RUBCNL: variants seen among roughly 807,000 people sequenced by gnomAD.
RUBCNL encodes rubicon like autophagy enhancer, also known as protein associated with UVRAG as autophagy enhancer.
Under a neutral mutation model 69.5 loss-of-function variants are expected in RUBCNL, and 62 were observed. That is an observed-to-expected ratio of 0.89 (90% CI 0.73 to 1.10). The LOEUF (loss-of-function observed/expected upper bound fraction) is 1.10, where lower values mean the gene tolerates loss of function less well. Ranked by LOEUF, RUBCNL falls within the 50% of genes least tolerant of loss-of-function variation. RUBCNL has a pLI of 0.00. For synonymous variants in RUBCNL, 291 were observed against 303.6 expected (o/e 0.96, Z 0.43); for missense variants, 768 against 798.1 (o/e 0.96, Z 0.45).
chr13:46,361,677 A>T, intron 7 of RUBCNL, 104 bp from the exon 8 acceptor site: 1 of 1,187,954 alleles, frequency 8.4e-7, no homozygotes, highest in Non-Finnish European at 1.2e-6. Context: ...CAAAACTCAG[A>T]AGAGGCTGTC....
intron 1 of RUBCNL, among the ~76,000 whole-genome samples, chr13:46,386,616 G>C (rs1036062621): frequency 6.6e-6 from 1 of 152,088 alleles, no homozygotes; most frequent in South Asian, 2.1e-4. Flanking sequence ...GAAGAGTGGG[G>C]GTTGCTATGT....
chr13:46,378,291 G>C lies in RUBCNL; in HGVS notation c.-238-286C>G, dbSNP rs9567665. On this transcript the variant is annotated intron_variant, in intron 1 of 14. Transcript: ENST00000429979. ...CAATCATTTCAAGGATTGATAAGCA[G>C]AGATAATACAGGTCTAAGCAATACT... is the stretch of plus-strand genomic sequence containing the variant. 2.2e-3 allele frequency among the ~76,000 whole-genome samples: 337 copies of C among 152,296 alleles called. 4 individuals are homozygous for C. Among genetic ancestry groups the C allele is most frequent in the South Asian group, 0.012 (57 of 4,826 alleles).
chr13:46,377,940 T>C lies in RUBCNL; in HGVS notation c.-173A>G. 3 of 1,609,964 alleles carry C rather than the reference T, an allele frequency of 1.9e-6. No homozygotes were observed. The highest frequency in any genetic ancestry group is 2.5e-6 in the Non-Finnish European group (3 of 1,178,598). On this transcript the variant is annotated 5_prime_UTR_variant, in exon 2 of 15. Coordinates refer to ENST00000429979, the MANE Select transcript of RUBCNL (RefSeq NM_025113.5). ...CAGATTGACACAGAGGAGAAAGTAA[T>C]GATTGGAAACCATCAAAGTCCATGC...
chr13:46,368,872 T>TA, intron 3 of RUBCNL, 57 bp from the exon 4 acceptor site: 1 of 1,261,062 alleles, frequency 7.9e-7, no homozygotes. Context: ...GATTACCTAA[T>TA]AAAATAAAAC....
intron 10 of RUBCNL, among the ~76,000 whole-genome samples, chr13:46,355,907 G>A (rs571915889): frequency 1.3e-5 from 2 of 151,904 alleles, no homozygotes; most frequent in Non-Finnish European, 2.9e-5. Flanking sequence ...AAAATAAGAA[G>A]GAACTTCTAA....
At chr13:46,370,364 T>C (rs192605388) in intron 3 of RUBCNL, among the ~76,000 whole-genome samples, 21 of 152,318 alleles carry the variant, frequency 1.4e-4, no homozygotes, top group Admixed American at 3.3e-4. Context: ...TAAAGTATTT[T>C]CTGAAAAAAG....
At chr13:46,378,523 C>T (rs1393478943) in intron 1 of RUBCNL, 2 of 152,528 alleles carry the variant, frequency 1.3e-5, no homozygotes, top group Non-Finnish European at 2.9e-5. Flanking sequence ...ATATAAGCTG[C>T]AGCAAAGGCC....
chr13:46,372,013 C>A lies in RUBCNL; in HGVS notation c.463G>T (p.Ala155Ser). Residue 155 changes from alanine (A) to serine (S), a missense_variant, in exon 3 of 15, where the codon GCC becomes TCC. Transcript: ENST00000429979. ...TCAGTCTCAGGATATGGGGAGGTGGCCAAAATCCCAGGGCTTGTGGGCAGA... is the reference window on the plus strand; with the variant it reads ...TCAGTCTCAGGATATGGGGAGGTGGACAAAATCCCAGGGCTTGTGGGCAGA... ...VSLPTSPGIL[A>S]TSPYPETDSA... 6.2e-7 allele frequency: 1 copy of A among 1,613,976 alleles called. No homozygotes were observed. Among genetic ancestry groups the A allele is most frequent in the Non-Finnish European group, 8.5e-7 (1 of 1,179,874 alleles).
At chr13:46,363,903 T>C (rs2048688702) in intron 5 of RUBCNL, among the ~76,000 whole-genome samples, 1 of 150,606 alleles carries the variant, frequency 6.6e-6, no homozygotes. Context: ...TGATTATTAA[T>C]ACTAGTAGTA....
rs116515737 is a variant in RUBCNL, at chr13:46,336,289, G to A, written c.*7096C>T. Among the ~76,000 whole-genome samples the A allele has an allele frequency of 0.032, 4,803 of 152,212 alleles. 266 individuals carry two copies. Among genetic ancestry groups the A allele is most frequent in the African/African-American group, 0.11 (4,486 of 41,506 alleles). ...AGACTCTACGAAGATGGAGTTTCAG[G>A]TGGTCCCCAACAGCTAATCTGATTT... On this transcript the variant is annotated 3_prime_UTR_variant, in exon 15 of 15. Transcript: ENST00000429979.
At chr13:46,371,774 C>T (rs1287500428) in intron 3 of RUBCNL, among the ~76,000 whole-genome samples, 167 bp downstream of exon 3, 1 of 152,228 alleles carries the variant, frequency 6.6e-6, no homozygotes, top group Non-Finnish European at 1.5e-5. Context: ...AAGGAGAAAG[C>T]CAATATTTGA....
chr13:46,344,607 T>C (rs886384845), intron 14 of RUBCNL, 134 bp downstream of exon 14: 5 of 656,368 alleles, frequency 7.6e-6, no homozygotes, highest in Middle Eastern at 4.2e-4. Flanking sequence ...CACACCAGCA[T>C]GACTGTACTT....
At chr13:46,387,500 CCG>C (rs2049279780), upstream of RUBCNL, 1 of 985,544 alleles carries the variant, frequency 1.0e-6, no homozygotes, top group African/African-American at 1.7e-5. Flanking sequence ...CCTAGAAATC[CCG>C]CCCTGCCTAC....
chr13:46,389,142 A>T (rs2049307385), upstream of RUBCNL, among the ~76,000 whole-genome samples: 1 of 152,204 alleles, frequency 6.6e-6, no homozygotes, highest in Non-Finnish European at 1.5e-5. The surrounding 1 kb of genome is among the most constrained non-coding windows in gnomAD (Gnocchi z 4.2). Context: ...TTTTCTTATT[A>T]TTTTAAGCAA....
chr13:46,345,830 C>G (rs191405931), intron 12 of RUBCNL, among the ~76,000 whole-genome samples: 13 of 152,290 alleles, frequency 8.5e-5, no homozygotes, highest in Middle Eastern at 3.4e-3. Flanking sequence ...TTTCAAAAAG[C>G]TGAATAAGCA....
Position 46,375,075 on chromosome 13 carries a change from C to T in RUBCNL, c.-122-2478G>A, listed in dbSNP as rs192767921. 2.4e-4 allele frequency among the ~76,000 whole-genome samples: 36 copies of T among 152,258 alleles called. No individual in the cohort carries two copies. In the East Asian group the frequency reaches 6.6e-3, roughly 28 times the overall value. ...TTCCTGCTATTTTTTAGTTCATTAC[C>T]GCCATTCTCCCCCTACTCCCACCTA... On this transcript the variant is annotated intron_variant, in intron 2 of 14. Coordinates refer to ENST00000429979, the MANE Select transcript of RUBCNL (RefSeq NM_025113.5).
chr13:46,370,340 C>T (rs1214605181), intron 3 of RUBCNL, among the ~76,000 whole-genome samples: 3 of 152,238 alleles, frequency 2.0e-5, no homozygotes, highest in South Asian at 2.1e-4. Flanking sequence ...TTACAGAGGC[C>T]GATAGTCTTT....
upstream of RUBCNL, chr13:46,387,440 G>A (rs1176340527): frequency 4.1e-6 from 4 of 985,408 alleles, no homozygotes; most frequent in Non-Finnish European, 4.8e-6. Flanking sequence ...CACCGGTGCC[G>A]CGGCGCCCGG....
At position 46,335,262 on chromosome 13, in the gene RUBCNL, T is replaced by TGTTG. The variant is rs565652667; in HGVS notation, c.*8122_*8123insCAAC. Among the ~76,000 whole-genome samples the TGTTG allele has an allele frequency of 5.5e-5, 5 of 91,638 alleles. No homozygotes were observed. Among genetic ancestry groups the TGTTG allele is most frequent in the Non-Finnish European group, 9.1e-5 (4 of 44,100 alleles). 60.1% of individuals were successfully genotyped at this position (91,638 alleles called of 152,430 possible). Reference sequence around the variant, plus strand: ...GTCTTTTTGTTGTTGTTGTTGTTGTTTTTTTTTTTTTTTTTTTTTTTTTAA... The same window carrying TGTTG: ...GTCTTTTTGTTGTTGTTGTTGTTGTTGTTGTTTTTTTTTTTTTTTTTTTTTTTAA... On this transcript the variant is annotated 3_prime_UTR_variant, in exon 15 of 15. Coordinates refer to ENST00000429979, the MANE Select transcript of RUBCNL (RefSeq NM_025113.5).
Sources: allele counts gnomAD v4.1 joint callset (sites outside exome capture counted in the v4.1 genomes callset), GRCh38; gene constraint gnomAD v4.1.1; non-coding constraint Gnocchi (gnomAD v3.1); transcripts MANE v1.5; gene names NCBI Gene and HGNC (gene_info 2026-07-23, HGNC 2026-07-21).